STRBP: variants seen among roughly 807,000 people sequenced by gnomAD.
The protein encoded by STRBP is spermatid perinuclear RNA-binding protein.
A neutral mutation model predicts 80.1 loss-of-function variants in STRBP; 13 were observed. That is an observed-to-expected ratio of 0.16 (90% CI 0.11 to 0.26). The LOEUF is 0.26. Ranked by LOEUF, STRBP falls within the 10% of genes least tolerant of loss-of-function variation. The probability of loss-of-function intolerance (pLI) is 1.00; values close to 1 mark genes in which losing one functional copy is unlikely to be tolerated. For missense variants in STRBP, 485 were observed against 815.2 expected (o/e 0.59, Z 4.93); for synonymous variants, 284 against 291.2 (o/e 0.98, Z 0.25).
At position 123,136,365 on chromosome 9, in the gene STRBP, G is replaced by A; in HGVS notation, c.1632+16C>T. The stretch of plus-strand genomic sequence containing the variant: ...TTGAGAAGAAAGATAAGGCTGGCTT[G>A]TGTCTGGGTACACACCTCCATTACA... On this transcript the variant is annotated intron_variant, in intron 15 of 18. Coordinates refer to ENST00000348403, the MANE Select transcript of STRBP (RefSeq NM_018387.5). This position sits in a 1 kb window ranked among gnomAD's most constrained non-coding sequence, Gnocchi z 4.2. The A allele has an allele frequency of 6.2e-7, 1 of 1,613,254 alleles. No individual in the cohort carries two copies. The highest frequency in any genetic ancestry group is 1.1e-5 in the South Asian group (1 of 90,956).
At chr9:123,127,435 TGAC>T (rs1245457160) in intron 18 of STRBP, among the ~76,000 whole-genome samples, 2 of 152,194 alleles carry the variant, frequency 1.3e-5, no homozygotes, top group Non-Finnish European at 1.5e-5. Flanking sequence ...CTCTCTTCTC[TGAC>T]AACACCCTGC....
intron 8 of STRBP, 119 bp from the exon 9 acceptor site, chr9:123,159,326 T>A (rs1353054932): frequency 1.5e-5 from 9 of 602,876 alleles, no homozygotes; most frequent in Non-Finnish European, 2.5e-5. Context: ...AATTTAACAT[T>A]TAGGACCCAC....
intron 1 of STRBP, among the ~76,000 whole-genome samples, chr9:123,248,809 T>C (rs2040854504): frequency 6.6e-6 from 1 of 152,222 alleles, no homozygotes; most frequent in South Asian, 2.1e-4. Context: ...GTCACCTTGT[T>C]ATAGAGAACT....
chr9:123,249,750 T>C (rs1334102079), intron 1 of STRBP, among the ~76,000 whole-genome samples: 1 of 152,264 alleles, frequency 6.6e-6, no homozygotes, highest in Non-Finnish European at 1.5e-5. Context: ...TTTGCAGTTC[T>C]GCAAGTGTGG....
chr9:123,120,983 A>G (rs1178710274), downstream of STRBP, among the ~76,000 whole-genome samples: 3 of 152,228 alleles, frequency 2.0e-5, no homozygotes, highest in Non-Finnish European at 4.4e-5. Context: ...GATATTTGTA[A>G]TAGGCCCAAT....
intron 3 of STRBP, among the ~76,000 whole-genome samples, chr9:123,180,385 T>G (rs377272783): frequency 2.0e-4 from 31 of 152,198 alleles, no homozygotes; most frequent in African/African-American, 7.0e-4. Flanking sequence ...AAACCTTTGG[T>G]GCAAGGCCTT....
chr9:123,214,126 GTATATA>G (rs148518712), intron 2 of STRBP, among the ~76,000 whole-genome samples: 1 of 141,138 alleles, frequency 7.1e-6, no homozygotes, highest in Non-Finnish European at 1.5e-5. Flanking sequence ...AAAGTGTGGT[GTATATA>G]TATATATATG....
chr9:123,239,637 TC>T (rs2040650868), intron 1 of STRBP, among the ~76,000 whole-genome samples: 1 of 152,224 alleles, frequency 6.6e-6, no homozygotes. Context: ...CATCTCTTTT[TC>T]CTATGCTATT....
chr9:123,155,911 T>C (rs547729186), intron 11 of STRBP, among the ~76,000 whole-genome samples: 20 of 150,954 alleles, frequency 1.3e-4, no homozygotes, highest in African/African-American at 2.7e-4. Flanking sequence ...CATGAAAGTA[T>C]TGGAGAGATC....
intron 2 of STRBP, among the ~76,000 whole-genome samples, chr9:123,189,040 C>T (rs2038814667): frequency 6.6e-6 from 1 of 152,102 alleles, no homozygotes; most frequent in Non-Finnish European, 1.5e-5. Flanking sequence ...GATTCAATAG[C>T]AAAGACTTGG....
At chr9:123,156,721 C>T (rs2037302878) in intron 11 of STRBP, among the ~76,000 whole-genome samples, 1 of 147,744 alleles carries the variant, frequency 6.8e-6, no homozygotes, top group Non-Finnish European at 1.5e-5. Context: ...TACTATTCAA[C>T]AGCTTTGATG....
intron 1 of STRBP, among the ~76,000 whole-genome samples, chr9:123,242,428 G>C (rs1017883199): frequency 6.6e-6 from 1 of 152,204 alleles, no homozygotes; most frequent in African/African-American, 2.4e-5. Flanking sequence ...AGAGGCCAAG[G>C]TGGGCAGATC....
At position 123,197,976 on chromosome 9, in the gene STRBP, G is replaced by A. The variant is rs2039165647; in HGVS notation, c.-164-13678C>T. 2.6e-5 allele frequency among the ~76,000 whole-genome samples: 4 copies of A among 151,722 alleles called. No individual in the cohort carries two copies. The South Asian group carries it at 6.2e-4, about 24-fold the overall frequency. ...GGCGTGAGCCACGGAGCCTGGCTCT[G>A]TCTTTTTAATAATGACCATTCTTTC... On this transcript the variant is annotated intron_variant, in intron 2 of 18. Coordinates refer to ENST00000348403, the MANE Select transcript of STRBP (RefSeq NM_018387.5).
At chr9:123,139,819 TAC>T in intron 13 of STRBP, 132 bp from the exon 14 acceptor site, 1 of 856,180 alleles carries the variant, frequency 1.2e-6, no homozygotes, top group Non-Finnish European at 1.8e-6. Flanking sequence ...AGCAAGATGG[TAC>T]TAAATCTGTA....
intron 2 of STRBP, among the ~76,000 whole-genome samples, chr9:123,191,905 G>A (rs1329567507): frequency 6.6e-6 from 1 of 152,128 alleles, no homozygotes; most frequent in African/African-American, 2.4e-5. Context: ...GATCACTATG[G>A]TTACTTGTTG....
intron 2 of STRBP, among the ~76,000 whole-genome samples, chr9:123,225,221 G>T (rs1342046604): frequency 6.6e-6 from 1 of 152,002 alleles, no homozygotes; most frequent in African/African-American, 2.4e-5. Context: ...ATTTCTTCTG[G>T]GTACCGGTTA....
chr9:123,258,838 T>C (rs1054063942), intron 1 of STRBP, among the ~76,000 whole-genome samples: 5 of 149,308 alleles, frequency 3.3e-5, no homozygotes, highest in Admixed American at 1.3e-4. Context: ...AAGAAGACCA[T>C]TGTGGCCAGA....
In STRBP at chr9:123,197,667, CTTTTTTTTTTT is replaced by C. The variant is rs71388358; in HGVS notation, c.-164-13380_-164-13370del. 4.3e-4 allele frequency among the ~76,000 whole-genome samples: 38 copies of C among 87,384 alleles called. No individual in the cohort carries two copies. The East Asian group carries it at 5.3e-3, about 12-fold the overall frequency. 57.3% of individuals were successfully genotyped at this position (87,384 alleles called of 152,430 possible). On this transcript the variant is annotated intron_variant, in intron 2 of 18. Coordinates refer to ENST00000348403, the MANE Select transcript of STRBP (RefSeq NM_018387.5). ...ATACAAGTTGCTGTGAAACATATTT[CTTTTTTTTTTT>C]TTTTTTTTTTTTTTGACACGGAGTC... is the stretch of plus-strand genomic sequence containing the variant.
At chr9:123,216,784 T>TA (rs1233161884) in intron 2 of STRBP, among the ~76,000 whole-genome samples, 1 of 152,224 alleles carries the variant, frequency 6.6e-6, no homozygotes, top group African/African-American at 2.4e-5. Flanking sequence ...CCATGTTCCA[T>TA]AGAGTGTACA....
Sources: allele counts gnomAD v4.1 joint callset (sites outside exome capture counted in the v4.1 genomes callset), GRCh38; gene constraint gnomAD v4.1.1; non-coding constraint Gnocchi (gnomAD v3.1); transcripts MANE v1.5; gene names NCBI Gene and HGNC (gene_info 2026-07-23, HGNC 2026-07-21).